Variants in FMNL2 observed in about 807,000 individuals in gnomAD.
FMNL2 encodes the protein formin-like protein 2.
In FMNL2, 51 loss-of-function variants were observed where a neutral mutation model predicts 130.2. That is an observed-to-expected ratio of 0.39 (90% CI 0.31 to 0.49). The LOEUF (loss-of-function observed/expected upper bound fraction) is 0.49. Ranked by LOEUF, FMNL2 falls within the 20% of genes least tolerant of loss-of-function variation. The pLI is 0.85. For synonymous variants in FMNL2, 465 were observed against 467.1 expected (o/e 1.00, Z 0.06); for missense variants, 977 against 1,316.2 (o/e 0.74, Z 3.99).
intron 1 of FMNL2, among the ~76,000 whole-genome samples, chr2:152,413,456 T>C (rs1282295839): frequency 1.3e-5 from 2 of 152,304 alleles, no homozygotes; most frequent in Non-Finnish European, 2.9e-5. Context: ...TCATTACTGC[T>C]AACCAAACAG....
At chr2:152,608,611 A>C (rs1029713706) in intron 10 of FMNL2, among the ~76,000 whole-genome samples, 3 of 151,124 alleles carry the variant, frequency 2.0e-5, no homozygotes, top group Admixed American at 2.0e-4. Context: ...ATATGAAACA[A>C]GGGACATTTT....
chr2:152,525,477 G>A (rs749028925), intron 2 of FMNL2, among the ~76,000 whole-genome samples: 1 of 152,212 alleles, frequency 6.6e-6, no homozygotes, highest in African/African-American at 2.4e-5. Flanking sequence ...CTGAGGGTGT[G>A]ATTGGTTATT....
chr2:152,363,463 A>G (rs1683298287), intron 1 of FMNL2, among the ~76,000 whole-genome samples: 1 of 152,190 alleles, frequency 6.6e-6, no homozygotes, highest in Non-Finnish European at 1.5e-5. Flanking sequence ...GCAACAATTT[A>G]TGATCTCTCT....
chr2:152,642,162 G>A (rs563348014), intron 25 of FMNL2, among the ~76,000 whole-genome samples: 2 of 152,156 alleles, frequency 1.3e-5, no homozygotes, highest in East Asian at 3.9e-4. Context: ...GGATGGTCTC[G>A]ATCTCCTGAC....
chr2:152,591,453 T>G (rs1450033515), intron 9 of FMNL2, among the ~76,000 whole-genome samples: 1 of 152,218 alleles, frequency 6.6e-6, no homozygotes, highest in Non-Finnish European at 1.5e-5. Context: ...AGCAGACTGT[T>G]GAGCAAATAT....
chr2:152,371,154 C>T (rs966473444), intron 1 of FMNL2, among the ~76,000 whole-genome samples: 4 of 152,208 alleles, frequency 2.6e-5, no homozygotes, highest in Non-Finnish European at 5.9e-5. Flanking sequence ...TATTCCCTAG[C>T]TTAGGAAGTT....
chr2:152,364,279 T>A (rs1390307775), intron 1 of FMNL2, among the ~76,000 whole-genome samples: 1 of 148,562 alleles, frequency 6.7e-6, no homozygotes, highest in Admixed American at 6.7e-5. Context: ...TTTTTTTTTT[T>A]TTTTTTTTTT....
chr2:152,640,965 T>G, intron 25 of FMNL2, 51 bp downstream of exon 25: 1 of 1,604,022 alleles, frequency 6.2e-7, no homozygotes, highest in Non-Finnish European at 8.5e-7. Context: ...TGGCCTCACC[T>G]AGACTGGGAT....
intron 1 of FMNL2, among the ~76,000 whole-genome samples, chr2:152,454,451 A>G (rs1182530294): frequency 8.0e-6 from 1 of 125,102 alleles, no homozygotes; most frequent in African/African-American, 3.6e-5. Context: ...ATCTTCACAC[A>G]TTAAGTTGAA....
intron 14 of FMNL2, 51 bp from the exon 15 acceptor site, chr2:152,619,458 A>G: frequency 6.5e-7 from 1 of 1,548,442 alleles, no homozygotes; most frequent in African/African-American, 1.4e-5. Context: ...TTATTGCAGG[A>G]AAGCCATTCC....
intron 1 of FMNL2, among the ~76,000 whole-genome samples, chr2:152,423,624 A>AT (rs1389286073): frequency 1.3e-5 from 2 of 152,168 alleles, no homozygotes; most frequent in Non-Finnish European, 2.9e-5. Context: ...TCTGCATGGC[A>AT]TTTGTCAGTA....
At chr2:152,367,899 C>A (rs943446563) in intron 1 of FMNL2, among the ~76,000 whole-genome samples, 1 of 152,182 alleles carries the variant, frequency 6.6e-6, no homozygotes, top group Non-Finnish European at 1.5e-5. Flanking sequence ...CACGCCACAC[C>A]ACTCTGCGGT....
Position 152,647,890 on chromosome 2 carries a change from C to T in FMNL2, c.3264C>T (p.Ala1088=), listed in dbSNP as rs766089410. 1.6e-5 allele frequency: 26 copies of T among 1,612,668 alleles called. No homozygotes were observed. The highest frequency in any genetic ancestry group is 1.6e-4 in the Middle Eastern group (1 of 6,080). ...AGAACTTGCGTTCTGTTAATGGTGC[C>T]GAAATAACAATGTGAACCTGAGACT... ...DDQNLRSVNG[A]EITM is the part of the protein sequence containing the mutation. The change falls in exon 26 of 26, where the codon GCC becomes GCT. Residue 1088 remains alanine, a synonymous_variant. Transcript: ENST00000288670.
At chr2:152,424,539 C>CAT (rs1687089996) in intron 1 of FMNL2, among the ~76,000 whole-genome samples, 1 of 151,884 alleles carries the variant, frequency 6.6e-6, no homozygotes, top group African/African-American at 2.4e-5. Context: ...TACAGGCGTG[C>CAT]GCCACCATGC....
chr2:152,566,313 G>A (rs530985022), intron 6 of FMNL2, among the ~76,000 whole-genome samples: 1 of 152,302 alleles, frequency 6.6e-6, no homozygotes, highest in Admixed American at 6.5e-5. Context: ...TTTTATTGGT[G>A]AGAAAGCCTT....
At chr2:152,468,747 A>G (rs1306357123) in intron 1 of FMNL2, among the ~76,000 whole-genome samples, 1 of 152,228 alleles carries the variant, frequency 6.6e-6, no homozygotes, top group Non-Finnish European at 1.5e-5. Flanking sequence ...TAATTCTTTT[A>G]GACAATGCTG....
intron 25 of FMNL2, chr2:152,645,287 C>G: frequency 2.6e-6 from 1 of 390,036 alleles, no homozygotes; most frequent in Admixed American, 3.5e-5. Flanking sequence ...CTTATTTGAT[C>G]TAACATTTCT....
intron 1 of FMNL2, among the ~76,000 whole-genome samples, chr2:152,419,358 A>G (rs1686784458): frequency 6.6e-6 from 1 of 152,192 alleles, no homozygotes; most frequent in Non-Finnish European, 1.5e-5. Context: ...TGTATTTACC[A>G]TGCTGTGGAA....
At chr2:152,518,028 G>A (rs1288750283) in intron 1 of FMNL2, among the ~76,000 whole-genome samples, 2 of 152,186 alleles carry the variant, frequency 1.3e-5, no homozygotes, top group South Asian at 2.1e-4. Context: ...GCAGCAAAGG[G>A]ACCTGGAGAT....
Sources: gnomAD v4.1 joint callset for allele counts (sites outside exome capture counted in the v4.1 genomes callset) on GRCh38, gnomAD v4.1.1 for gene constraint, MANE v1.5 for transcripts, NCBI Gene and HGNC (gene_info 2026-07-23, HGNC 2026-07-21) for gene names.